Variants in POC1B observed in about 807,000 individuals in gnomAD.
POC1B encodes POC1 centriolar protein homolog B.
POC1B carries 44 observed loss-of-function variants against 60.6 expected under a neutral mutation model. The observed-to-expected ratio is 0.73, with a 90% CI of 0.57 to 0.93. The LOEUF is 0.93. Ranked by LOEUF, POC1B falls within the 40% of genes least tolerant of loss-of-function variation. POC1B has a pLI of 0.00. For synonymous variants in POC1B, 180 were observed against 198.9 expected (o/e 0.90, Z 0.80); for missense variants, 555 against 572.3 (o/e 0.97, Z 0.31).
At chr12:89,509,632 T>C (rs1870077897) in intron 2 of POC1B, among the ~76,000 whole-genome samples, 1 of 152,230 alleles carries the variant, frequency 6.6e-6, no homozygotes, top group Non-Finnish European at 1.5e-5. Flanking sequence ...GTATATCAAT[T>C]GATATAGGTA....
intron 2 of POC1B, chr12:89,519,558 C>T (rs555732887): frequency 6.6e-6 from 1 of 152,636 alleles, no homozygotes; most frequent in Non-Finnish European, 1.5e-5. Context: ...TCTTTGTGCT[C>T]ATTTTAAAAT....
intron 10 of POC1B, among the ~76,000 whole-genome samples, chr12:89,439,295 CTT>C (rs958742215): frequency 6.6e-6 from 1 of 151,990 alleles, no homozygotes; most frequent in South Asian, 2.1e-4. Flanking sequence ...GGGTCCCAGA[CTT>C]TTTTTTACAG....
downstream of POC1B, among the ~76,000 whole-genome samples, chr12:89,416,013 T>C (rs79877994): frequency 4.0e-3 from 615 of 152,334 alleles, 20 homozygotes; most frequent in East Asian, 0.061. Flanking sequence ...TGGCTTTAAG[T>C]GAAGCATAGA....
At chr12:89,471,766 T>G (rs750810478) in intron 5 of POC1B, 37 bp from the exon 6 acceptor site, 4 of 1,243,814 alleles carry the variant, frequency 3.2e-6, no homozygotes, top group Non-Finnish European at 4.5e-6. Flanking sequence ...ATATTTCAAT[T>G]TCTTTTTTTT....
intron 4 of POC1B, among the ~76,000 whole-genome samples, chr12:89,488,789 T>C (rs1352448080): frequency 2.0e-5 from 3 of 152,100 alleles, no homozygotes; most frequent in African/African-American, 4.8e-5. Context: ...GCAGGGCCAA[T>C]AGCAGCTATT....
intron 10 of POC1B, among the ~76,000 whole-genome samples, chr12:89,433,255 T>C (rs1881114861): frequency 6.6e-6 from 1 of 152,146 alleles, no homozygotes; most frequent in Non-Finnish European, 1.5e-5. Flanking sequence ...GGTTTTCATT[T>C]ATAAAGATGA....
Position 89,525,957 on chromosome 12 carries a change from G to A in POC1B, c.-62C>T, listed in dbSNP as rs1440467052. On this transcript the variant is annotated 5_prime_UTR_variant, in exon 1 of 12. Coordinates refer to ENST00000313546, the MANE Select transcript of POC1B (RefSeq NM_172240.3). Reference sequence around the variant, plus strand: ...GGAACCCGGAGAGGGGAGGGGAGAGGATGGGGAAGGAGAGGGGACCGTGCG... The same window carrying A: ...GGAACCCGGAGAGGGGAGGGGAGAGAATGGGGAAGGAGAGGGGACCGTGCG... 3.9e-6 allele frequency: 6 copies of A among 1,544,502 alleles called. No homozygotes were observed. In the East Asian group the frequency reaches 1.2e-4, roughly 32 times the overall value.
In POC1B at chr12:89,463,801, C is replaced by T. The variant is rs528028513; in HGVS notation, c.1032+2969G>A. 2.0e-5 allele frequency among the ~76,000 whole-genome samples: 3 copies of T among 152,188 alleles called. No individual in the cohort carries two copies. In the East Asian group the frequency reaches 5.8e-4, roughly 29 times the overall value. Reference sequence around the variant, plus strand: ...ATTTTAAAAGTAATATGGCTATCACCCCCTCTATCCATGTAGGAATTAGTA... The same window carrying T: ...ATTTTAAAAGTAATATGGCTATCACTCCCTCTATCCATGTAGGAATTAGTA... On this transcript the variant is annotated intron_variant, in intron 9 of 11. Transcript: ENST00000313546.
At chr12:89,416,626 G>A (rs934970236), downstream of POC1B, among the ~76,000 whole-genome samples, 6 of 152,264 alleles carry the variant, frequency 3.9e-5, no homozygotes, top group African/African-American at 1.2e-4. Context: ...GAGACAATAT[G>A]GAGTAGTGTA....
the POC1B span, among the ~76,000 whole-genome samples, chr12:89,412,796 G>A: frequency 1.4e-4 from 21 of 144,916 alleles, no homozygotes; most frequent in Admixed American, 1.2e-3. Context: ...ATCAGAGGGA[G>A]AGAAACACAT....
intron 2 of POC1B, chr12:89,523,335 A>T: frequency 2.5e-6 from 4 of 1,614,044 alleles, no homozygotes; most frequent in Non-Finnish European, 3.4e-6. Flanking sequence ...TATCACCATA[A>T]GCTTCTTTTC....
rs372315526 is a variant in POC1B, at chr12:89,522,790, C to T, written c.100+2330G>A. On this transcript the variant is annotated intron_variant, in intron 2 of 11. Coordinates refer to ENST00000313546, the MANE Select transcript of POC1B (RefSeq NM_172240.3). ...GACTTTCTTGACACTACTGTCAGCTCATGACGAAAGTGCTGTTGTGCTCTA... is the reference window on the plus strand; with the variant it reads ...GACTTTCTTGACACTACTGTCAGCTTATGACGAAAGTGCTGTTGTGCTCTA... 11 of 1,541,080 alleles carry T rather than the reference C, an allele frequency of 7.1e-6. No homozygotes were observed. The African/African-American group carries it at 1.4e-4, about 19-fold the overall frequency.
At position 89,458,339 on chromosome 12, in the gene POC1B, G is replaced by A. The variant is rs149563675; in HGVS notation, c.1113+1299C>T. ...TATAAGCCAAGCACTGTGGCAAGTT[G>A]TAGACATCCCATTAATTTTTAATTT... On this transcript the variant is annotated intron_variant, in intron 10 of 11. Transcript: ENST00000313546. Among the ~76,000 whole-genome samples the A allele has an allele frequency of 4.6e-5, 7 of 152,326 alleles. No individual in the cohort carries two copies. In the East Asian group the frequency reaches 1.3e-3, roughly 29 times the overall value.
chr12:89,525,318 C>T lies in POC1B; in HGVS notation c.16-114G>A, dbSNP rs528047395. On this transcript the variant is annotated intron_variant, in intron 1 of 11. Coordinates refer to ENST00000313546, the MANE Select transcript of POC1B (RefSeq NM_172240.3). ...GGCTTGGGAATGGCCACCCAGGCGG[C>T]GGCTTGGCTGGGCGGCGGGGCCGGG... 2.4e-5 allele frequency: 35 copies of T among 1,455,390 alleles called. 1 individual carries two copies. The African/African-American group carries it at 4.5e-4, about 19-fold the overall frequency. The allele number at this position is 1,455,390 out of a possible 1,614,324, so 90.2% of individuals were successfully genotyped here.
chr12:89,411,047 G>A, the POC1B span, among the ~76,000 whole-genome samples: 2 of 152,004 alleles, frequency 1.3e-5, no homozygotes, highest in South Asian at 4.2e-4. Context: ...TGAATACCTA[G>A]GAATACAACT....
chr12:89,403,012 AT>A, the POC1B span, among the ~76,000 whole-genome samples: 346 of 139,002 alleles, frequency 2.5e-3, no homozygotes, highest in Middle Eastern at 4.0e-3. Context: ...ACACAAACAC[AT>A]TTTTTTTTTT....
chr12:89,410,062 T>C, the POC1B span, among the ~76,000 whole-genome samples: 1 of 152,130 alleles, frequency 6.6e-6, no homozygotes. Context: ...CTCAATAAAA[T>C]ACTGGCAAAC....
chr12:89,438,636 C>A (rs1398817109), intron 10 of POC1B, among the ~76,000 whole-genome samples: 1 of 152,218 alleles, frequency 6.6e-6, no homozygotes, highest in East Asian at 1.9e-4. Context: ...TTCCTTGTTA[C>A]CTACTAGTCC....
chr12:89,501,639 A>G (rs1419254799), intron 2 of POC1B: 3 of 1,198,974 alleles, frequency 2.5e-6, no homozygotes, highest in Non-Finnish European at 3.6e-6. Context: ...TGTCTGAAGA[A>G]GTGACTTCAA....
Sources: allele counts gnomAD v4.1 joint callset (sites outside exome capture counted in the v4.1 genomes callset), GRCh38; gene constraint gnomAD v4.1.1; transcripts MANE v1.5; gene names NCBI Gene and HGNC (gene_info 2026-07-23, HGNC 2026-07-21).